PDZRN3: variants seen among roughly 807,000 people sequenced by gnomAD.
PDZRN3 encodes E3 ubiquitin-protein ligase PDZRN3.
In PDZRN3, 38 loss-of-function variants were observed where a neutral mutation model predicts 85.7. That is an observed-to-expected ratio of 0.44 (90% CI 0.34 to 0.58). PDZRN3 has a LOEUF of 0.58. Among genes scored for constraint, PDZRN3 ranks in the 20% least tolerant of loss-of-function variants. The pLI, the probability that PDZRN3 is intolerant of heterozygous loss-of-function variation, is 0.01. For synonymous variants in PDZRN3, 759 were observed against 638.0 expected, an observed-to-expected ratio of 1.19 and a Z score of -2.86; for missense variants, 1,629 against 1,506.4, an observed-to-expected ratio of 1.08 and a Z score of -1.35.
Position 73,404,183 on chromosome 3 carries a change from G to C in PDZRN3, c.1131C>G (p.Ser377Arg). 3.1e-6 allele frequency: 5 copies of C among 1,613,926 alleles called. No homozygotes were observed. Among genetic ancestry groups the C allele is most frequent in the African/African-American group, 1.3e-5 (1 of 75,034 alleles). ...AGAGATAGGGATCCAGCACGGGTGG[G>C]CTGGGAGAGGACATCTTAGTGAGGG... ...IMALTKMSSPSPPVLDPYLLP... is the reference protein window; with the variant it reads ...IMALTKMSSPRPPVLDPYLLP... Residue 377 changes from serine (S) to arginine (R), a missense_variant, in exon 4 of 10, where the codon AGC becomes AGG. Physicochemically the swap from Ser to Arg is moderately radical, Grantham distance 110 (BLOSUM62 -1). Coordinates refer to ENST00000263666, the MANE Select transcript of PDZRN3 (RefSeq NM_015009.3).
chr3:73,584,517 G>T (rs930534795), intron 3 of PDZRN3, among the ~76,000 whole-genome samples: 3 of 149,612 alleles, frequency 2.0e-5, no homozygotes, highest in Admixed American at 1.3e-4. Flanking sequence ...ATGCGTTGTG[G>T]ATAAGAAAAT....
At chr3:73,441,186 G>A (rs544150250) in intron 3 of PDZRN3, among the ~76,000 whole-genome samples, 13 of 152,050 alleles carry the variant, frequency 8.5e-5, no homozygotes, top group Middle Eastern at 3.4e-3. Context: ...AGGCCGAGGC[G>A]GGCAGATCAC....
chr3:73,503,602 C>T (rs902882861), intron 3 of PDZRN3, among the ~76,000 whole-genome samples: 4 of 152,176 alleles, frequency 2.6e-5, no homozygotes, highest in Non-Finnish European at 5.9e-5. Flanking sequence ...TAGTTTTTGA[C>T]TATAGAGGAC....
intron 5 of PDZRN3, among the ~76,000 whole-genome samples, chr3:73,400,107 T>C (rs1404114502): frequency 2.0e-5 from 3 of 152,178 alleles, no homozygotes; most frequent in Admixed American, 6.5e-5. Context: ...CTGGGTGACC[T>C]TTTGATGGTA....
chr3:73,538,542 T>C (rs1211446757), intron 3 of PDZRN3, among the ~76,000 whole-genome samples: 2 of 152,228 alleles, frequency 1.3e-5, no homozygotes, highest in African/African-American at 2.4e-5. Flanking sequence ...TTACACTGTA[T>C]ACTATGCATT....
chr3:73,420,684 G>C (rs1177899132), intron 3 of PDZRN3, among the ~76,000 whole-genome samples: 1 of 152,030 alleles, frequency 6.6e-6, no homozygotes, highest in Non-Finnish European at 1.5e-5. Flanking sequence ...CCATAAAGAT[G>C]ACCCTCTTTG....
At chr3:73,393,026 T>C (rs1043954899) in intron 5 of PDZRN3, among the ~76,000 whole-genome samples, 1 of 152,166 alleles carries the variant, frequency 6.6e-6, no homozygotes, top group Middle Eastern at 3.2e-3. Context: ...CATTTGAATA[T>C]GCATAAGAGG....
intron 3 of PDZRN3, among the ~76,000 whole-genome samples, chr3:73,414,438 TTTTTG>T (rs1702035999): frequency 6.6e-6 from 1 of 151,968 alleles, no homozygotes; most frequent in Non-Finnish European, 1.5e-5. Context: ...TTGTTCTTTT[TTTTTG>T]TTTTGTTTTC....
intron 3 of PDZRN3, among the ~76,000 whole-genome samples, chr3:73,536,061 A>G (rs528596601): frequency 5.9e-5 from 9 of 152,350 alleles, no homozygotes; most frequent in African/African-American, 2.2e-4. Context: ...CAACAACAAT[A>G]CCAAGGAATG....
intron 3 of PDZRN3, among the ~76,000 whole-genome samples, chr3:73,566,831 T>C (rs1260623521): frequency 6.6e-6 from 1 of 152,170 alleles, no homozygotes; most frequent in Non-Finnish European, 1.5e-5. Flanking sequence ...GAGACTGTCA[T>C]GCCGAGATGC....
At position 73,624,917 on chromosome 3, in the gene PDZRN3, C is replaced by G; in HGVS notation, c.-92G>C. ...CCAGACAGGCCGGCTACGCCGCCCG[C>G]GCGCTCGCTGGCTCTCCCCGGACTG... On this transcript the variant is annotated 5_prime_UTR_variant, in exon 1 of 10. Transcript: ENST00000263666. 5 of 1,028,104 alleles carry G rather than the reference C, an allele frequency of 4.9e-6. 1 individual carries two copies. In the Middle Eastern group the frequency reaches 1.1e-3, roughly 221 times the overall value. The allele number at this position is 1,028,104 out of a possible 1,614,324, so 63.7% of individuals were successfully genotyped here.
intron 3 of PDZRN3, chr3:73,433,627 G>T: frequency 6.6e-7 from 1 of 1,512,602 alleles, no homozygotes; most frequent in Non-Finnish European, 8.9e-7. Context: ...GGAATAAAAT[G>T]CAGGGTGTTA....
At chr3:73,482,671 T>C (rs78944361) in intron 3 of PDZRN3, among the ~76,000 whole-genome samples, 8,841 of 152,220 alleles carry the variant, frequency 0.058, 376 homozygotes, top group Non-Finnish European at 0.089. Flanking sequence ...TAAACACACT[T>C]TAAGGAGTTG....
intron 3 of PDZRN3, among the ~76,000 whole-genome samples, chr3:73,430,255 T>C (rs1473225155): frequency 6.6e-6 from 1 of 152,178 alleles, no homozygotes; most frequent in Non-Finnish European, 1.5e-5. Context: ...CGGCACATAG[T>C]AAGTGCACAA....
At position 73,403,837 on chromosome 3, in the gene PDZRN3, G is replaced by A. The variant is rs549418667; in HGVS notation, c.1166+311C>T. Among the ~76,000 whole-genome samples, 6 of 152,290 alleles carry A rather than the reference G, an allele frequency of 3.9e-5. No individual in the cohort carries two copies. In the East Asian group the frequency reaches 1.2e-3, roughly 29 times the overall value. ...TGATCAACATTCCCTAGTAATAACT[G>A]CAGGATCTTCAAATTACCATTTGGG... On this transcript the variant is annotated intron_variant, in intron 4 of 9. Coordinates refer to ENST00000263666, the MANE Select transcript of PDZRN3 (RefSeq NM_015009.3).
intron 2 of PDZRN3, among the ~76,000 whole-genome samples, chr3:73,606,914 G>T (rs955978502): frequency 6.6e-6 from 1 of 152,130 alleles, no homozygotes; most frequent in South Asian, 2.1e-4. Flanking sequence ...CCATGTGTTG[G>T]CCACTCCCGC....
intron 8 of PDZRN3, among the ~76,000 whole-genome samples, chr3:73,387,164 G>C (rs1165900119): frequency 6.6e-6 from 1 of 152,162 alleles, no homozygotes; most frequent in African/African-American, 2.4e-5. Flanking sequence ...GGAACTGTGA[G>C]TCCATGAAAC....
chr3:73,539,973 G>A (rs1353237938), intron 3 of PDZRN3, among the ~76,000 whole-genome samples: 1 of 151,314 alleles, frequency 6.6e-6, no homozygotes, highest in Non-Finnish European at 1.5e-5. Flanking sequence ...GTACTGCACG[G>A]ATGAAGATTC....
intron 3 of PDZRN3, among the ~76,000 whole-genome samples, chr3:73,538,013 G>A (rs1351240933): frequency 8.5e-5 from 13 of 152,064 alleles, no homozygotes; most frequent in Admixed American, 8.5e-4. Flanking sequence ...GTTCCAACAG[G>A]GATTTCTGGA....
Sources: allele counts gnomAD v4.1 joint callset (sites outside exome capture counted in the v4.1 genomes callset), GRCh38; gene constraint gnomAD v4.1.1; transcripts MANE v1.5; gene names NCBI Gene and HGNC (gene_info 2026-07-23, HGNC 2026-07-21).